Variants in PEAK1 observed in about 807,000 individuals in gnomAD.
PEAK1 encodes the protein pseudopodium enriched atypical kinase 1.
In PEAK1, 54 loss-of-function variants were observed where a neutral mutation model predicts 124.7. The observed-to-expected ratio is 0.43, with a 90% CI of 0.35 to 0.54. PEAK1 has a LOEUF of 0.54. Ranked by LOEUF, PEAK1 falls within the 20% of genes least tolerant of loss-of-function variation. PEAK1 has a pLI of 0.01. For missense variants in PEAK1, 2,046 were observed against 2,134.5 expected (o/e 0.96, Z 0.82); for synonymous variants, 719 against 760.0 (o/e 0.95, Z 0.89).
intron 1 of PEAK1, among the ~76,000 whole-genome samples, chr15:77,382,051 G>C (rs186603361): frequency 6.6e-6 from 1 of 152,296 alleles, no homozygotes; most frequent in Non-Finnish European, 1.5e-5. Flanking sequence ...TCACAGAAAA[G>C]TTTCAAGCTA....
intron 2 of PEAK1, among the ~76,000 whole-genome samples, chr15:77,299,597 T>TA (rs2063686698): frequency 6.6e-6 from 1 of 152,366 alleles, no homozygotes; most frequent in South Asian, 2.1e-4. Context: ...GGAATAGTTC[T>TA]AAAGTTTTTC....
chr15:77,392,167 C>A (rs2070519623), intron 1 of PEAK1, among the ~76,000 whole-genome samples: 1 of 152,140 alleles, frequency 6.6e-6, no homozygotes, highest in Non-Finnish European at 1.5e-5. Context: ...ACAAAGAAGG[C>A]ATGCAGAAAA....
intron 2 of PEAK1, chr15:77,335,711 AAACTACT>A: frequency 1.1e-6 from 1 of 930,736 alleles, no homozygotes; most frequent in Non-Finnish European, 1.3e-6. Flanking sequence ...GGCTGGTCTC[AAACTACT>A]GACCTCAAAT....
intron 2 of PEAK1, chr15:77,352,805 A>C: frequency 1.0e-6 from 1 of 984,796 alleles, no homozygotes; most frequent in Non-Finnish European, 1.2e-6. Context: ...AGTCAAAGCA[A>C]TTTGAAGATA....
intron 5 of PEAK1, among the ~76,000 whole-genome samples, chr15:77,270,957 G>A (rs149328714): frequency 2.6e-3 from 400 of 152,188 alleles, no homozygotes; most frequent in African/African-American, 9.2e-3. Flanking sequence ...AAGAGCTTCC[G>A]CACGGCAAAA....
chr15:77,178,649 G>T, intron 7 of PEAK1, 141 bp downstream of exon 7: 1 of 782,832 alleles, frequency 1.3e-6, no homozygotes, highest in Non-Finnish European at 2.0e-6. Context: ...ATCTTGGAAT[G>T]CAGTTATAAA....
Position 77,302,852 on chromosome 15 carries a change from T to C in PEAK1, c.-602-16348A>G, listed in dbSNP as rs548256953. 9.8e-5 allele frequency among the ~76,000 whole-genome samples: 15 copies of C among 152,300 alleles called. No homozygotes were observed. In the East Asian group the frequency reaches 2.7e-3, roughly 27 times the overall value. ...TCTGGGTTTTGGCAAATGCTTAATA[T>C]CTTATATTCATCATCACAGTATCAT... On this transcript the variant is annotated intron_variant, in intron 2 of 9. Coordinates refer to ENST00000682557, the MANE Select transcript of PEAK1 (RefSeq NM_001385026.1).
intron 2 of PEAK1, among the ~76,000 whole-genome samples, chr15:77,300,708 C>T (rs1044651448): frequency 1.3e-5 from 2 of 152,224 alleles, no homozygotes; most frequent in East Asian, 1.9e-4. Flanking sequence ...TAGGGCATCA[C>T]ATTACATTTA....
At position 77,158,643 on chromosome 15, in the gene PEAK1, A is replaced by T. The variant is rs1218234971; in HGVS notation, c.3191T>A (p.Val1064Asp). The change falls in exon 8 of 10, where the codon GTT (valine) becomes GAT (aspartate). Residue 1064 changes from valine to aspartate, a missense_variant. Val to Asp is a radical substitution (Grantham distance 152). Coordinates refer to ENST00000682557, the MANE Select transcript of PEAK1 (RefSeq NM_001385026.1). ...GCCCCTGCCATCTTGCTTCCCAACA[A>T]CAGTTCTTGGATCCCGAGGAGAAAA... ...EDFSPRDPRTVVGKQDGRGCT... is the reference protein window; with the variant it reads ...EDFSPRDPRTDVGKQDGRGCT... The T allele has an allele frequency of 6.2e-7, 1 of 1,614,024 alleles. No homozygotes were observed. The highest frequency in any genetic ancestry group is 8.5e-7 in the Non-Finnish European group (1 of 1,180,004).
At chr15:77,345,233 G>T (rs1048970516) in intron 2 of PEAK1, among the ~76,000 whole-genome samples, 1 of 152,100 alleles carries the variant, frequency 6.6e-6, no homozygotes, top group Non-Finnish European at 1.5e-5. Flanking sequence ...TTTGTTGAGT[G>T]TTTTTTATCG....
intron 9 of PEAK1, among the ~76,000 whole-genome samples, chr15:77,121,754 A>G (rs2051937292): frequency 6.6e-6 from 1 of 152,200 alleles, no homozygotes; most frequent in South Asian, 2.1e-4. Context: ...GTTTATCAGC[A>G]GGGAATCTCA....
At chr15:77,140,004 C>T (rs912083813) in intron 8 of PEAK1, among the ~76,000 whole-genome samples, 2 of 151,940 alleles carry the variant, frequency 1.3e-5, no homozygotes, top group African/African-American at 4.8e-5. Context: ...ACAATAACAA[C>T]TTCTTGAATG....
At chr15:77,385,953 T>C (rs1009424738) in intron 1 of PEAK1, among the ~76,000 whole-genome samples, 10 of 152,196 alleles carry the variant, frequency 6.6e-5, no homozygotes, top group African/African-American at 2.4e-4. Context: ...CCATTTTATA[T>C]GTGACCTTGG....
At chr15:77,319,212 G>C (rs994327492) in intron 2 of PEAK1, among the ~76,000 whole-genome samples, 1 of 151,230 alleles carries the variant, frequency 6.6e-6, no homozygotes, top group Admixed American at 6.6e-5. Flanking sequence ...GTGAAATTCT[G>C]GCAAACGGAA....
chr15:77,343,562 C>A lies in PEAK1; in HGVS notation c.-603+21601G>T, dbSNP rs528107359. ...AGGGGAGTGGCACAATCTCGTCTTACTGCAACGTCCACCCCCTGGGTTCAA... is the reference window on the plus strand; with the variant it reads ...AGGGGAGTGGCACAATCTCGTCTTAATGCAACGTCCACCCCCTGGGTTCAA... On this transcript the variant is annotated intron_variant, in intron 2 of 9. Coordinates refer to ENST00000682557, the MANE Select transcript of PEAK1 (RefSeq NM_001385026.1). 7.6e-4 allele frequency among the ~76,000 whole-genome samples: 110 copies of A among 144,634 alleles called. 1 individual carries two copies. The highest frequency in any genetic ancestry group is 7.5e-3 in the Middle Eastern group (2 of 268). 94.9% of individuals were successfully genotyped at this position (144,634 alleles called of 152,430 possible).
At chr15:77,408,051 A>G (rs1349338429) in intron 1 of PEAK1, among the ~76,000 whole-genome samples, 1 of 151,338 alleles carries the variant, frequency 6.6e-6, no homozygotes, top group Non-Finnish European at 1.5e-5. Flanking sequence ...ATATACACAT[A>G]CATGCATAGA....
At chr15:77,252,286 C>A (rs961839335) in intron 6 of PEAK1, 81 bp downstream of exon 6, 1 of 788,006 alleles carries the variant, frequency 1.3e-6, no homozygotes, top group Admixed American at 6.2e-5. Flanking sequence ...TTAAGTTAAA[C>A]ATTTAAACTT....
At chr15:77,154,871 G>A in intron 8 of PEAK1, among the ~76,000 whole-genome samples, 1 of 152,000 alleles carries the variant, frequency 6.6e-6, no homozygotes, top group East Asian at 1.9e-4. Flanking sequence ...AGTCTGATGG[G>A]CTTCCCTTTG....
chr15:77,217,454 CA>C lies in PEAK1; in HGVS notation c.-115+34912del, dbSNP rs202231951. 2.0e-3 allele frequency among the ~76,000 whole-genome samples: 305 copies of C among 152,132 alleles called. 2 individuals carry two copies. The highest frequency in any genetic ancestry group is 7.3e-3 in the African/African-American group (302 of 41,500). On this transcript the variant is annotated intron_variant, in intron 6 of 9. Transcript: ENST00000682557. The stretch of plus-strand genomic sequence containing the variant: ...TTATGAGTGTTTTGAGAAAGTTAGC[CA>C]AAGCTTTAGCAGAAAAATGCTTGGG...
Sources: allele counts gnomAD v4.1 joint callset (sites outside exome capture counted in the v4.1 genomes callset), GRCh38; gene constraint gnomAD v4.1.1; transcripts MANE v1.5; gene names NCBI Gene and HGNC (gene_info 2026-07-23, HGNC 2026-07-21).